ADRA1A: variants seen among roughly 807,000 people sequenced by gnomAD.
ADRA1A encodes alpha-1A adrenergic receptor.
In ADRA1A, 31 loss-of-function variants were observed where a neutral mutation model predicts 29.6. The ratio of observed to expected loss-of-function variants is 1.05; its 90% CI spans 0.79 to 1.41. ADRA1A has a LOEUF of 1.41. Ranked by LOEUF, ADRA1A falls within the 40% of genes most tolerant of loss-of-function variation. ADRA1A has a pLI of 0.00. For synonymous variants in ADRA1A, 311 were observed against 254.3 expected, an observed-to-expected ratio of 1.22 and a Z score of -2.12; for missense variants, 619 against 601.1, an observed-to-expected ratio of 1.03 and a Z score of -0.31.
At chr8:26,781,778 T>G (rs1734265621) in intron 2 of ADRA1A, among the ~76,000 whole-genome samples, 1 of 152,226 alleles carries the variant, frequency 6.6e-6, no homozygotes, top group Admixed American at 6.5e-5. Context: ...ACCACACATC[T>G]GAAGCAGTGA....
intron 2 of ADRA1A, among the ~76,000 whole-genome samples, chr8:26,750,809 C>T (rs1365340326): frequency 6.6e-6 from 1 of 152,346 alleles, no homozygotes; most frequent in East Asian, 1.9e-4. Flanking sequence ...GTGGCTCACG[C>T]CTATAGCCCC....
At position 26,757,166 on chromosome 8, in the gene ADRA1A, A is replaced by G. The variant is rs1450731326; in HGVS notation, c.1270-387T>C. 8 of 697,976 alleles carry G rather than the reference A, an allele frequency of 1.1e-5. No individual in the cohort carries two copies. The East Asian group carries it at 2.2e-4, about 19-fold the overall frequency. The allele number at this position is 697,976 out of a possible 1,614,324, so 43.2% of individuals were successfully genotyped here. A position where few individuals can be genotyped will look rare whatever the true frequency, so the allele number is the denominator to read the frequency against. On this transcript the variant is annotated intron_variant, in intron 2 of 2. Transcript: ENST00000380582. Reference sequence around the variant, plus strand: ...TGTTTATATAAAGCAGAGTTGGGCCAAGAACCTCATCCCCGAAAGTGACTT... The same window carrying G: ...TGTTTATATAAAGCAGAGTTGGGCCGAGAACCTCATCCCCGAAAGTGACTT...
At chr8:26,795,427 T>C (rs1808125762) in intron 2 of ADRA1A, among the ~76,000 whole-genome samples, 2 of 152,302 alleles carry the variant, frequency 1.3e-5, no homozygotes, top group South Asian at 2.1e-4. Flanking sequence ...CTTATTATTT[T>C]GAAAACTGAT....
intron 2 of ADRA1A, 23 bp from the exon 3 acceptor site, chr8:26,770,689 A>G (rs1203560243): frequency 1.3e-6 from 2 of 1,568,810 alleles, no homozygotes; most frequent in African/African-American, 2.7e-5. Flanking sequence ...ACACAGATTT[A>G]TACATATTAT....
intron 2 of ADRA1A, among the ~76,000 whole-genome samples, chr8:26,862,634 A>G (rs1318700083): frequency 6.6e-6 from 1 of 152,222 alleles, no homozygotes; most frequent in Non-Finnish European, 1.5e-5. Context: ...GGAGCAGAGT[A>G]AGTAATAATG....
At position 26,770,527 on chromosome 8, in the gene ADRA1A, C is replaced by G; in HGVS notation, c.1023G>C (p.Leu341Phe). ...GCTTTCTGCAGAGACACTGGATTCT[C>G]AAGACATTCTGAAAGGCCTTTTTGA... ...QEFKKAFQNV[L>F]RIQCLCRKQS... is the part of the protein sequence containing the mutation. The change falls in exon 3 of 3, where the codon TTG becomes TTC. Residue 341 changes from leucine (L) to phenylalanine (F), a missense_variant. Physicochemically the swap from Leu to Phe is conservative, Grantham distance 22. Transcript: ENST00000380573. 6.2e-7 allele frequency: 1 copy of G among 1,614,162 alleles called. No homozygotes were observed. The highest frequency in any genetic ancestry group is 2.2e-5 in the East Asian group (1 of 44,876).
In ADRA1A at chr8:26,865,859, G is replaced by A. The variant is rs1319506865; in HGVS notation, c.-686-204C>T. The stretch of plus-strand genomic sequence containing the variant: ...GGGAACCTGCCTAGCGCACTCTACT[G>A]AGTCACCTCTGCCCGAGTTCAGGAT... On this transcript the variant is annotated intron_variant, in intron 1 of 2. Transcript: ENST00000380573. The surrounding 1 kb of genome is among the most constrained non-coding windows in gnomAD (Gnocchi z 7.6). Among the ~76,000 whole-genome samples the A allele has an allele frequency of 1.3e-5, 2 of 152,036 alleles. No individual in the cohort carries two copies. Among genetic ancestry groups the A allele is most frequent in the Non-Finnish European group, 1.5e-5 (1 of 68,002 alleles).
chr8:26,748,249 A>G (rs1332133687), exon 3 of ADRA1A: 2 of 155,042 alleles, frequency 1.3e-5, no homozygotes, highest in Non-Finnish European at 2.9e-5. Flanking sequence ...ATGGTGTACT[A>G]TGTACCCTCT....
chr8:26,758,268 G>A (rs946292747), intron 2 of ADRA1A, among the ~76,000 whole-genome samples: 1 of 152,182 alleles, frequency 6.6e-6, no homozygotes, highest in Non-Finnish European at 1.5e-5. Context: ...AATGTCTTCA[G>A]GTGGGGATGA....
chr8:26,756,919 A>G (rs1805200476), intron 2 of ADRA1A: 10 of 1,322,852 alleles, frequency 7.6e-6, no homozygotes, highest in Non-Finnish European at 1.0e-5. Flanking sequence ...CATTTTTCCA[A>G]GTTCAGACTT....
chr8:26,750,302 A>T (rs1292194508), intron 2 of ADRA1A, among the ~76,000 whole-genome samples: 17 of 152,080 alleles, frequency 1.1e-4, no homozygotes, highest in Admixed American at 1.1e-3. Context: ...CCTGGGTTCA[A>T]GCCATTCCCC....
At chr8:26,754,989 G>C (rs191787769), downstream of ADRA1A, among the ~76,000 whole-genome samples, 781 of 152,238 alleles carry the variant, frequency 5.1e-3, 2 homozygotes, top group Non-Finnish European at 8.3e-3. Context: ...TGTTGTTGTT[G>C]TTGTTGTTGG....
At chr8:26,810,906 G>GA (rs143570951) in intron 2 of ADRA1A, among the ~76,000 whole-genome samples, 3,851 of 151,596 alleles carry the variant, frequency 0.025, 72 homozygotes, top group Admixed American at 0.06. Flanking sequence ...TCAATTACCT[G>GA]ACAAAAAAAA....
At chr8:26,829,784 A>G (rs957413839) in intron 2 of ADRA1A, among the ~76,000 whole-genome samples, 3 of 151,752 alleles carry the variant, frequency 2.0e-5, no homozygotes, top group African/African-American at 7.3e-5. Context: ...TGAAACCTGG[A>G]AAAAAAAATC....
chr8:26,750,522 A>C (rs2130141407), intron 2 of ADRA1A, among the ~76,000 whole-genome samples: 1 of 152,320 alleles, frequency 6.6e-6, no homozygotes, highest in Middle Eastern at 3.4e-3. Context: ...CTGTAAGGAC[A>C]AAAATCTCAT....
At chr8:26,836,023 T>A in intron 2 of ADRA1A, 1 of 165,590 alleles carries the variant, frequency 6.0e-6, no homozygotes, top group Non-Finnish European at 1.3e-5. Context: ...GCTGTCATCC[T>A]AGACTGAAAC....
chr8:26,822,323 A>C (rs1323543908), intron 2 of ADRA1A, among the ~76,000 whole-genome samples: 1 of 152,202 alleles, frequency 6.6e-6, no homozygotes, highest in Non-Finnish European at 1.5e-5. Flanking sequence ...ACTTCATAAA[A>C]TGTTTTGTTA....
rs1165688375 is a variant in ADRA1A, at chr8:26,796,099, A to G, written c.884-25433T>C. 6.6e-6 allele frequency among the ~76,000 whole-genome samples: 1 copy of G among 152,136 alleles called. No homozygotes were observed. The highest frequency in any genetic ancestry group is 6.6e-5 in the Admixed American group (1 of 15,258). The stretch of plus-strand genomic sequence containing the variant: ...AGTAATGTTTAGAAGTAAATAGTAA[A>G]ATATTTACAGATGAAATGACATGCT... On this transcript the variant is annotated intron_variant, in intron 2 of 2. Transcript: ENST00000380573. The surrounding 1 kb of genome is among the most constrained non-coding windows in gnomAD (Gnocchi z 5.0).
At position 26,769,876 on chromosome 8, in the gene ADRA1A, G is replaced by A. The variant is rs923027281; in HGVS notation, c.*273C>T. On this transcript the variant is annotated 3_prime_UTR_variant, in exon 3 of 3. Transcript: ENST00000380573. ...GCATGAAATTCTGTTTCCCATGGTG[G>A]TTTTCGTTGAAGTGGGCACAGAGTG... 3.4e-6 allele frequency: 4 copies of A among 1,186,932 alleles called. No homozygotes were observed. The highest frequency in any genetic ancestry group is 4.2e-6 in the Non-Finnish European group (4 of 958,644). The allele number at this position is 1,186,932 out of a possible 1,614,324, so 73.5% of individuals were successfully genotyped here.
Sources: gnomAD v4.1 joint callset for allele counts (sites outside exome capture counted in the v4.1 genomes callset) on GRCh38, gnomAD v4.1.1 for gene constraint, Gnocchi (gnomAD v3.1) non-coding constraint, MANE v1.5 for transcripts, NCBI Gene and HGNC (gene_info 2026-07-23, HGNC 2026-07-21) for gene names.